The following PTGR1 variants were observed in gnomAD, a reference collection of about 807,000 sequenced individuals.
The protein encoded by PTGR1 is 15-oxoprostaglandin 13-reductase.
Under a neutral mutation model 37.7 loss-of-function variants are expected in PTGR1, and 23 were observed. That is an observed-to-expected ratio of 0.61 (90% confidence interval 0.44 to 0.86). The LOEUF (loss-of-function observed/expected upper bound fraction) is 0.86, where lower values mean the gene tolerates loss of function less well. PTGR1 is among the 40% of genes least tolerant of loss of function. The pLI is 0.00. For synonymous variants in PTGR1, 134 were observed against 140.0 expected (o/e 0.96, Z 0.30); for missense variants, 351 against 394.3 (o/e 0.89, Z 0.93).
chr9:111,556,691 T>C (rs547377367), intron 9 of PTGR1, among the ~76,000 whole-genome samples: 3 of 152,204 alleles, frequency 2.0e-5, no homozygotes, highest in Non-Finnish European at 4.4e-5. Context: ...TCCCTCCTGT[T>C]GTTCTCATGA....
At position 111,563,116 on chromosome 9, in the gene PTGR1, CT is replaced by C. The variant is rs761059161; in HGVS notation, c.*4del. 1.9e-6 allele frequency: 3 copies of C among 1,612,380 alleles called. No homozygotes were observed. The South Asian group carries it at 3.3e-5, about 18-fold the overall frequency. On this transcript the variant is annotated 3_prime_UTR_variant, in exon 10 of 10. Transcript: ENST00000407693. Reference sequence around the variant, plus strand: ...ATGGCCTCCAGATTCCATGTGTCCTCTTTTTCATGCTTTCACTATTGTCTTC... The same window carrying C: ...ATGGCCTCCAGATTCCATGTGTCCTCTTTTCATGCTTTCACTATTGTCTTC...
chr9:111,569,986 ACGATG>A, intron 9 of PTGR1, 100 bp downstream of exon 9: 1 of 1,546,054 alleles, frequency 6.5e-7, no homozygotes, highest in Non-Finnish European at 8.8e-7. Context: ...GGAAAAACTG[ACGATG>A]CGGCAGAGAT....
downstream of PTGR1, among the ~76,000 whole-genome samples, chr9:111,559,977 T>G (rs1828227612): frequency 6.6e-6 from 1 of 152,158 alleles, no homozygotes; most frequent in South Asian, 2.1e-4. Flanking sequence ...GTACTACAAT[T>G]TATTTAACCC....
rs1327871198 is a variant in PTGR1 at position 111,557,103 on chromosome 9, T to G, written c.880-7304A>C. ...TCCCCATTGTCTTGGCTATTAACATTCAGCTCCTCATGCAGCATTTCCGCA... is the reference window on the plus strand; with the variant it reads ...TCCCCATTGTCTTGGCTATTAACATGCAGCTCCTCATGCAGCATTTCCGCA... On this transcript the variant is annotated intron_variant, in intron 9 of 9. Transcript: ENST00000538962. Among the ~76,000 whole-genome samples, 5 of 152,344 alleles carry G rather than the reference T, an allele frequency of 3.3e-5. No homozygotes were observed. The South Asian group carries it at 8.3e-4, about 25-fold the overall frequency.
At chr9:111,561,148 G>GGAGAGAGAGAGA (rs527553902), downstream of PTGR1, among the ~76,000 whole-genome samples, 5 of 34,848 alleles carry the variant, frequency 1.4e-4, no homozygotes, top group South Asian at 1.1e-3. Flanking sequence ...GGAGAGAGAG[G>GGAGAGAGAGAGA]GAGAGAGAGA....
chr9:111,552,440 T>C (rs1390193987), intron 9 of PTGR1, among the ~76,000 whole-genome samples: 2 of 152,202 alleles, frequency 1.3e-5, no homozygotes, highest in Non-Finnish European at 2.9e-5. Context: ...TGCAATAGAA[T>C]AGAGCAATGA....
At chr9:111,576,537 TG>T (rs1829062982) in intron 7 of PTGR1, 1 of 1,333,858 alleles carries the variant, frequency 7.5e-7, no homozygotes, top group Non-Finnish European at 1.0e-6. Context: ...ATCCCAACTC[TG>T]GGGGTATTAG....
downstream of PTGR1, among the ~76,000 whole-genome samples, chr9:111,561,152 A>AGAGAGG (rs1564608140): frequency 9.8e-4 from 72 of 73,662 alleles, 3 homozygotes; most frequent in African/African-American, 3.8e-3. Context: ...AGAGAGGGAG[A>AGAGAGG]GAGAGAGAGA....
intron 8 of PTGR1, among the ~76,000 whole-genome samples, chr9:111,570,778 C>CA (rs1444175601): frequency 6.6e-6 from 1 of 151,244 alleles, no homozygotes; most frequent in African/African-American, 2.4e-5. Context: ...GACTCTGCCT[C>CA]AAAAAAATAA....
intron 9 of PTGR1, among the ~76,000 whole-genome samples, chr9:111,557,538 C>T (rs58719868): frequency 2.3e-4 from 35 of 151,966 alleles, no homozygotes; most frequent in African/African-American, 7.2e-4. Flanking sequence ...CTCCGCCTCC[C>T]GGGTTCAAGT....
chr9:111,598,446 G>A (rs192296871), intron 1 of PTGR1, among the ~76,000 whole-genome samples: 23 of 152,246 alleles, frequency 1.5e-4, no homozygotes, highest in Admixed American at 1.1e-3. Context: ...AGGGAGCCAG[G>A]GGGGCGGTCT....
chr9:111,559,883 C>G (rs1828225075), downstream of PTGR1, among the ~76,000 whole-genome samples: 1 of 152,186 alleles, frequency 6.6e-6, no homozygotes, highest in Non-Finnish European at 1.5e-5. Context: ...CCTTAGTTAT[C>G]TTCCTTGAAG....
At chr9:111,598,949 C>T (rs1050864493) in intron 1 of PTGR1, among the ~76,000 whole-genome samples, 2 of 152,200 alleles carry the variant, frequency 1.3e-5, no homozygotes, top group Admixed American at 6.5e-5. Context: ...CCCCCATTCC[C>T]CCCCGAACCC....
intron 7 of PTGR1, 131 bp downstream of exon 7, chr9:111,578,665 C>T: frequency 1.3e-6 from 1 of 743,758 alleles, no homozygotes. Flanking sequence ...ACCTGCCCCT[C>T]ACCTCCTGCT....
chr9:111,549,917 G>C (rs1313747274), intron 9 of PTGR1: 2 of 667,534 alleles, frequency 3.0e-6, no homozygotes, highest in African/African-American at 1.9e-5. Context: ...GGTTTATTTT[G>C]TGCCTTTGAA....
intron 2 of PTGR1, among the ~76,000 whole-genome samples, chr9:111,596,837 G>A (rs901249936): frequency 7.0e-6 from 1 of 142,276 alleles, no homozygotes; most frequent in African/African-American, 2.7e-5. Context: ...TGAGGCAAGA[G>A]AATCGCTTGG....
At chr9:111,570,975 A>C (rs942938149) in intron 8 of PTGR1, among the ~76,000 whole-genome samples, 2 of 152,212 alleles carry the variant, frequency 1.3e-5, no homozygotes, top group African/African-American at 4.8e-5. Context: ...CCTGGCTTTG[A>C]GGACAGAGGA....
intron 9 of PTGR1, among the ~76,000 whole-genome samples, chr9:111,565,846 A>C (rs1343222371): frequency 6.6e-6 from 1 of 152,168 alleles, no homozygotes; most frequent in Non-Finnish European, 1.5e-5. Context: ...TAAAATAAAA[A>C]GTGAATTTTA....
intron 8 of PTGR1, among the ~76,000 whole-genome samples, chr9:111,570,858 A>T (rs888088233): frequency 1.3e-5 from 2 of 152,188 alleles, no homozygotes; most frequent in Admixed American, 6.5e-5. Context: ...ATAACAGCAA[A>T]GGTCTTCGTA....
Sources: allele counts gnomAD v4.1 joint callset (sites outside exome capture counted in the v4.1 genomes callset), GRCh38; gene constraint gnomAD v4.1.1; transcripts MANE v1.5; gene names NCBI Gene and HGNC (gene_info 2026-07-23, HGNC 2026-07-21).